The following PALLD variants were observed in gnomAD, a reference collection of about 807,000 sequenced individuals.
PALLD encodes the protein palladin, cytoskeletal associated protein.
A neutral mutation model predicts 123.5 loss-of-function variants in PALLD; 61 were observed. That is an observed-to-expected ratio of 0.49 (90% CI 0.40 to 0.61). The LOEUF (loss-of-function observed/expected upper bound fraction) is 0.61, where lower values mean the gene tolerates loss of function less well. Among genes scored for constraint, PALLD ranks in the 20% least tolerant of loss-of-function variants. PALLD has a pLI of 0.00. For synonymous variants in PALLD, 465 were observed against 496.4 expected, an observed-to-expected ratio of 0.94 and a Z score of 0.84; for missense variants, 1,273 against 1,377.0, an observed-to-expected ratio of 0.92 and a Z score of 1.20.
At chr4:168,596,832 G>A (rs567623677) in intron 2 of PALLD, among the ~76,000 whole-genome samples, 6 of 151,904 alleles carry the variant, frequency 3.9e-5, no homozygotes, top group African/African-American at 1.4e-4. Flanking sequence ...AAAATATCTA[G>A]GTTTTTATGT....
chr4:168,815,302 A>G (rs191807694), intron 10 of PALLD, among the ~76,000 whole-genome samples: 1 of 152,344 alleles, frequency 6.6e-6, no homozygotes, highest in East Asian at 1.9e-4. Context: ...GCAAACATTC[A>G]CAACTTCCAT....
chr4:168,702,200 A>C (rs1478715356), intron 8 of PALLD, among the ~76,000 whole-genome samples: 1 of 151,932 alleles, frequency 6.6e-6, no homozygotes, highest in Non-Finnish European at 1.5e-5. Context: ...AAAAAAGAAC[A>C]TCAGCTCTAG....
At chr4:168,882,216 G>A (rs764618371) in intron 10 of PALLD, among the ~76,000 whole-genome samples, 6 of 152,220 alleles carry the variant, frequency 3.9e-5, no homozygotes, top group South Asian at 4.2e-4. Flanking sequence ...TCTCATTGTC[G>A]CTCTCTTTCT....
chr4:168,737,989 G>A (rs1002094856), intron 10 of PALLD, among the ~76,000 whole-genome samples: 2 of 152,192 alleles, frequency 1.3e-5, no homozygotes, highest in African/African-American at 2.4e-5. Flanking sequence ...AAGTCCCCTT[G>A]GAGGAGGACT....
At chr4:168,549,473 T>C (rs991622932) in intron 2 of PALLD, among the ~76,000 whole-genome samples, 6 of 152,190 alleles carry the variant, frequency 3.9e-5, no homozygotes, top group Admixed American at 2.6e-4. Flanking sequence ...GTAAACAAGA[T>C]AGCATTAAAA....
At chr4:168,734,027 C>T (rs575496112) in intron 10 of PALLD, among the ~76,000 whole-genome samples, 2 of 152,296 alleles carry the variant, frequency 1.3e-5, no homozygotes, top group Admixed American at 6.5e-5. Context: ...TGAGCCACCA[C>T]GCCCGGCCAC....
At chr4:168,537,717 G>C (rs1765226822) in intron 2 of PALLD, 1 of 152,176 alleles carries the variant, frequency 6.6e-6, no homozygotes, top group South Asian at 2.1e-4. Flanking sequence ...TTCGCTGGCA[G>C]TCTTGTGGGA....
At chr4:168,776,572 G>A (rs974736283) in intron 10 of PALLD, among the ~76,000 whole-genome samples, 1 of 152,152 alleles carries the variant, frequency 6.6e-6, no homozygotes, top group African/African-American at 2.4e-5. Flanking sequence ...TCCTTGCCTT[G>A]TTCCTTATAT....
chr4:168,678,575 G>T (rs534295509), intron 3 of PALLD, among the ~76,000 whole-genome samples: 2 of 152,254 alleles, frequency 1.3e-5, no homozygotes, highest in East Asian at 3.9e-4. Flanking sequence ...TACAGGCATG[G>T]AAAACAAGCA....
intron 2 of PALLD, among the ~76,000 whole-genome samples, chr4:168,569,467 G>A (rs1200799613): frequency 6.6e-6 from 1 of 152,118 alleles, no homozygotes; most frequent in African/African-American, 2.4e-5. Flanking sequence ...GCTGAAGTTT[G>A]CTTCAAGAAC....
At chr4:168,849,775 C>T (rs2150971252) in intron 10 of PALLD, among the ~76,000 whole-genome samples, 1 of 151,788 alleles carries the variant, frequency 6.6e-6, no homozygotes, top group East Asian at 1.9e-4. Flanking sequence ...AAACACTGAC[C>T]CTTGGAAAGA....
intron 2 of PALLD, among the ~76,000 whole-genome samples, chr4:168,641,307 C>T (rs1776926781): frequency 1.3e-5 from 2 of 152,012 alleles, no homozygotes; most frequent in African/African-American, 4.8e-5. Flanking sequence ...TTAATAAGCA[C>T]CGTAGAGGGT....
chr4:168,504,516 C>T (rs1456545121), intron 1 of PALLD, among the ~76,000 whole-genome samples: 1 of 151,810 alleles, frequency 6.6e-6, no homozygotes, highest in Admixed American at 6.6e-5. Context: ...ATCTCTTGAA[C>T]CCGGCAGGTG....
At chr4:168,909,044 A>G (rs1758373526) in intron 15 of PALLD, among the ~76,000 whole-genome samples, 1 of 152,222 alleles carries the variant, frequency 6.6e-6, no homozygotes, top group Admixed American at 6.5e-5. Flanking sequence ...GCAATTCATA[A>G]GAGACCAAAG....
At chr4:168,617,029 C>T (rs777208751) in intron 2 of PALLD, among the ~76,000 whole-genome samples, 25 of 152,322 alleles carry the variant, frequency 1.6e-4, no homozygotes, top group South Asian at 1.2e-3. Context: ...AATTGACACA[C>T]GCACTTGCTT....
At chr4:168,663,626 G>A (rs2149990414) in intron 2 of PALLD, among the ~76,000 whole-genome samples, 1 of 152,326 alleles carries the variant, frequency 6.6e-6, no homozygotes, top group East Asian at 1.9e-4. Context: ...GGGATGGGCA[G>A]TCCCTGCAGG....
intron 2 of PALLD, among the ~76,000 whole-genome samples, chr4:168,556,624 G>A (rs761747213): frequency 6.6e-6 from 1 of 152,162 alleles, no homozygotes; most frequent in Non-Finnish European, 1.5e-5. Flanking sequence ...ACAAGTCTGG[G>A]ACTCTTACCC....
intron 4 of PALLD, among the ~76,000 whole-genome samples, chr4:168,681,699 C>T (rs1421478513): frequency 6.6e-6 from 1 of 151,848 alleles, no homozygotes; most frequent in African/African-American, 2.4e-5. Context: ...CATACACCAC[C>T]ACACCTGGCT....
rs183380862 is a variant in PALLD, at chr4:168,899,867, G to A, written c.2472+1153G>A. ...AGGAGGTGGAGGTTGCAGTGACCAA[G>A]ATCGCGCCATTGCACTCCAGCTCAG... On this transcript the variant is annotated intron_variant, in intron 14 of 21. Transcript: ENST00000505667. Among the ~76,000 whole-genome samples, 726 of 151,048 alleles carry A rather than the reference G, an allele frequency of 4.8e-3. 7 individuals are homozygous for A. Among genetic ancestry groups the A allele is most frequent in the Admixed American group, 5.4e-3 (82 of 15,142 alleles).
Sources: allele counts gnomAD v4.1 joint callset (sites outside exome capture counted in the v4.1 genomes callset), GRCh38; gene constraint gnomAD v4.1.1; transcripts MANE v1.5; gene names NCBI Gene and HGNC (gene_info 2026-07-23, HGNC 2026-07-21).